CWH43: variants seen among roughly 807,000 people sequenced by gnomAD.
The protein encoded by CWH43 is cell wall biogenesis 43 C-terminal homolog, also known as PGAP2-interacting protein.
Under a neutral mutation model 85.7 loss-of-function variants are expected in CWH43, and 91 were observed. The ratio of observed to expected loss-of-function variants is 1.06; its 90% CI spans 0.90 to 1.26. The LOEUF is 1.26. CWH43 is among the 50% of genes most tolerant of loss of function. CWH43 has a pLI of 0.00. For missense variants in CWH43, 869 were observed against 839.2 expected, an observed-to-expected ratio of 1.04 and a Z score of -0.44; for synonymous variants, 323 against 293.6, an observed-to-expected ratio of 1.10 and a Z score of -1.02.
chr4:49,016,275 T>C (rs763949859), intron 8 of CWH43, among the ~76,000 whole-genome samples: 3 of 152,228 alleles, frequency 2.0e-5, no homozygotes, highest in Non-Finnish European at 4.4e-5. Flanking sequence ...GTGTTTTTTT[T>C]CCCTAGTGCC....
chr4:48,997,623 A>G (rs1259756005), intron 5 of CWH43, among the ~76,000 whole-genome samples: 1 of 152,124 alleles, frequency 6.6e-6, no homozygotes, highest in African/African-American at 2.4e-5. Context: ...AATGTGGCTA[A>G]CAGCCTCATC....
At chr4:49,041,778 G>A (rs1305827136) in intron 13 of CWH43, among the ~76,000 whole-genome samples, 3 of 152,154 alleles carry the variant, frequency 2.0e-5, no homozygotes, top group African/African-American at 4.8e-5. Flanking sequence ...GTTCTAGTTA[G>A]CAGGATAGAG....
Position 49,030,812 on chromosome 4 carries a change from T to C in CWH43, c.1373-13T>C. The C allele has an allele frequency of 6.4e-7, 1 of 1,557,426 alleles. No homozygotes were observed. Among genetic ancestry groups the C allele is most frequent in the South Asian group, 1.2e-5 (1 of 81,422 alleles). ...GATTCATCACTGTATGCTACTTTTT[T>C]TTTTCTGAACAGGTGCAGATTTCAT... On this transcript the variant is annotated splice_polypyrimidine_tract_variant and intron_variant, in intron 10 of 15. Transcript: ENST00000226432.
At chr4:49,004,081 G>A in intron 7 of CWH43, 89 bp downstream of exon 7, 7 of 1,198,502 alleles carry the variant, frequency 5.8e-6, no homozygotes, top group South Asian at 1.7e-5. Flanking sequence ...TGTAACTGGT[G>A]GAAATAAGCA....
intron 14 of CWH43, among the ~76,000 whole-genome samples, chr4:49,046,528 T>C (rs1022660345): frequency 7.9e-5 from 12 of 151,586 alleles, no homozygotes; most frequent in Non-Finnish European, 1.6e-4. Flanking sequence ...GAAAGAAAAA[T>C]AATAAATCCA....
At chr4:49,013,979 A>T (rs1426542979) in intron 8 of CWH43, among the ~76,000 whole-genome samples, 1 of 152,218 alleles carries the variant, frequency 6.6e-6, no homozygotes, top group Non-Finnish European at 1.5e-5. Flanking sequence ...GGATTCAAAG[A>T]TGTGAATAAT....
At chr4:49,050,606 G>T in intron 14 of CWH43, 88 bp from the exon 15 acceptor site, 2 of 1,036,806 alleles carry the variant, frequency 1.9e-6, no homozygotes, top group Non-Finnish European at 2.8e-6. Context: ...TGGGAAACTG[G>T]TTTAATAACA....
intron 7 of CWH43, among the ~76,000 whole-genome samples, chr4:49,006,348 A>G (rs1377690615): frequency 1.3e-5 from 2 of 152,206 alleles, no homozygotes; most frequent in Admixed American, 6.5e-5. Context: ...AAGAAAAATA[A>G]GAGTGATGTT....
intron 15 of CWH43, among the ~76,000 whole-genome samples, chr4:49,054,347 T>C (rs558810214): frequency 3.9e-5 from 6 of 152,298 alleles, no homozygotes; most frequent in Admixed American, 2.6e-4. Context: ...AGGCTCTCTA[T>C]TCTGTTCTAT....
intron 6 of CWH43, among the ~76,000 whole-genome samples, chr4:49,001,034 C>CTG (rs3038701): frequency 0.039 from 5,940 of 152,228 alleles, 271 homozygotes; most frequent in African/African-American, 0.11. Context: ...ATAATGCAAG[C>CTG]TGTGGCCAAA....
intron 13 of CWH43, among the ~76,000 whole-genome samples, chr4:49,043,460 T>C (rs1051831456): frequency 6.6e-6 from 1 of 152,226 alleles, no homozygotes; most frequent in African/African-American, 2.4e-5. Context: ...TTGATTTTCA[T>C]CTAATCCTCT....
At chr4:49,037,069 T>C (rs1577696012) in intron 12 of CWH43, among the ~76,000 whole-genome samples, 1 of 152,206 alleles carries the variant, frequency 6.6e-6, no homozygotes, top group East Asian at 1.9e-4. Context: ...CAATTCCCTA[T>C]ATTAAGTTCA....
At chr4:49,054,095 A>G (rs1013897944) in intron 15 of CWH43, among the ~76,000 whole-genome samples, 2 of 152,108 alleles carry the variant, frequency 1.3e-5, no homozygotes, top group African/African-American at 2.4e-5. Flanking sequence ...GCCCAGACCA[A>G]TGTTGAAGGT....
intron 13 of CWH43, among the ~76,000 whole-genome samples, chr4:49,043,447 G>T (rs1343172411): frequency 6.6e-6 from 1 of 152,206 alleles, no homozygotes; most frequent in Non-Finnish European, 1.5e-5. Context: ...AGGAGAATTT[G>T]ATTTGATTTT....
chr4:49,047,005 G>A (rs191764589), intron 14 of CWH43, among the ~76,000 whole-genome samples: 35 of 152,280 alleles, frequency 2.3e-4, no homozygotes, highest in Admixed American at 1.4e-3. Context: ...ACTTCCCTGA[G>A]CCTTAGTCTT....
intron 9 of CWH43, among the ~76,000 whole-genome samples, chr4:49,021,625 T>C (rs1029695450): frequency 2.6e-5 from 4 of 152,184 alleles, no homozygotes; most frequent in Admixed American, 6.5e-5. Context: ...ATTGAATTTG[T>C]AGATTGCTTT....
intron 15 of CWH43, among the ~76,000 whole-genome samples, chr4:49,061,441 T>C (rs1785154247): frequency 6.6e-6 from 1 of 152,228 alleles, no homozygotes; most frequent in Non-Finnish European, 1.5e-5. Context: ...TTAACACATG[T>C]AGACAATTTA....
intron 8 of CWH43, chr4:49,016,782 G>A (rs1359933097): frequency 2.6e-6 from 2 of 776,252 alleles, no homozygotes; most frequent in East Asian, 2.4e-5. Context: ...CCCAATGCAG[G>A]TGATTACTCC....
chr4:48,988,703 T>G (rs1451646306), intron 2 of CWH43, 35 bp downstream of exon 2: 2 of 1,394,020 alleles, frequency 1.4e-6, no homozygotes, highest in Non-Finnish European at 1.9e-6. Flanking sequence ...AGTTGTTTTT[T>G]TTAAGTTAAA....
Sources: gnomAD v4.1 joint callset for allele counts (sites outside exome capture counted in the v4.1 genomes callset) on GRCh38, gnomAD v4.1.1 for gene constraint, MANE v1.5 for transcripts, NCBI Gene and HGNC (gene_info 2026-07-23, HGNC 2026-07-21) for gene names.